CACNB2: variants seen among roughly 807,000 people sequenced by gnomAD.
CACNB2 encodes voltage-dependent L-type calcium channel subunit beta-2.
CACNB2 carries 42 observed loss-of-function variants against 73.3 expected under a neutral mutation model. The ratio of observed to expected loss-of-function variants is 0.57; its 90% CI spans 0.45 to 0.74. The LOEUF (loss-of-function observed/expected upper bound fraction) is 0.74. Ranked by LOEUF, CACNB2 falls within the 30% of genes least tolerant of loss-of-function variation. The probability of loss-of-function intolerance (pLI) is 0.00; values close to 1 mark genes in which losing one functional copy is unlikely to be tolerated. For synonymous variants in CACNB2, 348 were observed against 310.3 expected (o/e 1.12, Z -1.28); for missense variants, 940 against 853.0 (o/e 1.10, Z -1.27).
At chr10:18,473,995 A>G (rs1049380482) in intron 3 of CACNB2, among the ~76,000 whole-genome samples, 25 of 152,186 alleles carry the variant, frequency 1.6e-4, no homozygotes, top group African/African-American at 6.0e-4. Context: ...TTTTCATTTT[A>G]AAATGCGAGG....
chr10:18,430,024 C>T (rs202169185), intron 3 of CACNB2, among the ~76,000 whole-genome samples: 31 of 151,714 alleles, frequency 2.0e-4, no homozygotes, highest in African/African-American at 6.5e-4. Flanking sequence ...TGCCAGAATT[C>T]GCAGATACAT....
At chr10:18,524,570 G>A (rs572702700) in intron 9 of CACNB2, among the ~76,000 whole-genome samples, 12 of 150,400 alleles carry the variant, frequency 8.0e-5, no homozygotes, top group Non-Finnish European at 1.3e-4. Flanking sequence ...CAGGAGAAGC[G>A]CCTGAACCCA....
intron 4 of CACNB2, among the ~76,000 whole-genome samples, chr10:18,500,458 G>T (rs2050132811): frequency 6.6e-6 from 1 of 152,036 alleles, no homozygotes; most frequent in African/African-American, 2.4e-5. Flanking sequence ...TTATATAAGG[G>T]GAAGATTTCT....
At position 18,445,609 on chromosome 10, in the gene CACNB2, G is replaced by A. The variant is rs925406552; in HGVS notation, c.333+43566G>A. On this transcript the variant is annotated intron_variant, in intron 3 of 13. Transcript: ENST00000324631. The stretch of plus-strand genomic sequence containing the variant: ...GAAATAAATATGAACGAGAGAGACC[G>A]TCTGTGTCCTTCTGATGCTTCATTC... Among the ~76,000 whole-genome samples the A allele has an allele frequency of 2.2e-4, 33 of 152,086 alleles. 1 individual carries two copies. Among genetic ancestry groups the A allele is most frequent in the African/African-American group, 6.5e-4 (27 of 41,514 alleles).
At chr10:18,214,087 C>T (rs926311167) in intron 2 of CACNB2, among the ~76,000 whole-genome samples, 14 of 152,216 alleles carry the variant, frequency 9.2e-5, no homozygotes, top group Non-Finnish European at 1.8e-4. Context: ...TAAATTTACC[C>T]CTACACAACT....
chr10:18,401,667 T>C (rs981389948), intron 2 of CACNB2, among the ~76,000 whole-genome samples: 3 of 152,220 alleles, frequency 2.0e-5, no homozygotes, highest in Admixed American at 6.5e-5. Flanking sequence ...ACCAACTTGT[T>C]CTGGCTTCCA....
chr10:18,364,955 A>AT (rs2042290824), intron 2 of CACNB2, among the ~76,000 whole-genome samples: 1 of 152,134 alleles, frequency 6.6e-6, no homozygotes, highest in African/African-American at 2.4e-5. Flanking sequence ...TTAGGATAGC[A>AT]TTTTTTTCAA....
At chr10:18,294,294 G>T (rs1397482591) in intron 2 of CACNB2, among the ~76,000 whole-genome samples, 1 of 152,206 alleles carries the variant, frequency 6.6e-6, no homozygotes, top group Non-Finnish European at 1.5e-5. Context: ...CTGCTTGACA[G>T]TGTAGCTCTC....
rs957679423 is a variant in CACNB2, at chr10:18,543,062, A to C, written c.*3338A>C. 3.2e-4 allele frequency: 49 copies of C among 152,122 alleles called. No individual in the cohort carries two copies. Among genetic ancestry groups the C allele is most frequent in the African/African-American group, 1.2e-3 (48 of 41,426 alleles). The allele number at this position is 152,122 out of a possible 1,614,324, so 9.4% of individuals were successfully genotyped here. ...TGCTATGCATTCCTGTTAAACATTCACTGTCAGCTACACTGAACTGTCTAA... is the reference window on the plus strand; with the variant it reads ...TGCTATGCATTCCTGTTAAACATTCCCTGTCAGCTACACTGAACTGTCTAA... On this transcript the variant is annotated 3_prime_UTR_variant, in exon 14 of 14. Transcript: ENST00000324631.
At chr10:18,317,669 C>G (rs2040243948) in intron 2 of CACNB2, among the ~76,000 whole-genome samples, 1 of 152,142 alleles carries the variant, frequency 6.6e-6, no homozygotes, top group Admixed American at 6.6e-5. Flanking sequence ...CTCATCTTGG[C>G]TATTGTGAAC....
At chr10:18,522,875 C>G (rs1290352602) in intron 9 of CACNB2, among the ~76,000 whole-genome samples, 2 of 43,666 alleles carry the variant, frequency 4.6e-5, no homozygotes, top group African/African-American at 2.0e-4. Context: ...GAGACTCTGT[C>G]TCAAAAAAAA....
At chr10:18,455,244 G>A (rs190419430) in intron 3 of CACNB2, among the ~76,000 whole-genome samples, 3 of 152,300 alleles carry the variant, frequency 2.0e-5, no homozygotes, top group South Asian at 2.1e-4. Context: ...AGGAACATGT[G>A]GGGGCTGGTT....
At chr10:18,149,977 G>T (rs1205772551) in intron 1 of CACNB2, among the ~76,000 whole-genome samples, 2 of 152,162 alleles carry the variant, frequency 1.3e-5, no homozygotes, top group African/African-American at 4.8e-5. Context: ...GCTTGAAAAA[G>T]TTAAGAAATT....
intron 2 of CACNB2, among the ~76,000 whole-genome samples, chr10:18,197,358 T>C (rs2034672133): frequency 6.6e-6 from 1 of 152,172 alleles, no homozygotes; most frequent in Non-Finnish European, 1.5e-5. Context: ...TGTTTTTGCC[T>C]GCAAGGAACA....
chr10:18,515,589 T>A (rs1024214783), intron 7 of CACNB2, among the ~76,000 whole-genome samples: 1 of 152,160 alleles, frequency 6.6e-6, no homozygotes, highest in African/African-American at 2.4e-5. Context: ...TTGAATCAAT[T>A]ATGATTATTT....
intron 2 of CACNB2, among the ~76,000 whole-genome samples, chr10:18,376,088 A>T (rs571733539): frequency 6.6e-6 from 1 of 152,330 alleles, no homozygotes; most frequent in East Asian, 1.9e-4. Flanking sequence ...ATTTGGCAGC[A>T]TCTTAAATGT....
intron 3 of CACNB2, among the ~76,000 whole-genome samples, chr10:18,469,922 T>C (rs2048093985): frequency 6.6e-6 from 1 of 152,182 alleles, no homozygotes; most frequent in Non-Finnish European, 1.5e-5. Context: ...AGTCCTGGGA[T>C]CTTGAGGTTA....
chr10:18,172,682 C>T (rs185357533), intron 2 of CACNB2, among the ~76,000 whole-genome samples: 10 of 152,138 alleles, frequency 6.6e-5, no homozygotes, highest in East Asian at 5.8e-4. Flanking sequence ...GCCTTCACTG[C>T]GAAAAGCCTA....
rs376907313 is a variant in CACNB2, at chr10:18,365,996, T to C, written c.214-35928T>C. ...AACACTCACATTCCCTTCAAATTCA[T>C]AGAAAACCATTCTACCCATTTAAAT... On this transcript the variant is annotated intron_variant, in intron 2 of 13. Coordinates refer to ENST00000324631, the MANE Select transcript of CACNB2 (RefSeq NM_201596.3). Among the ~76,000 whole-genome samples the C allele has an allele frequency of 5.9e-5, 9 of 152,332 alleles. No individual in the cohort carries two copies. In the East Asian group the frequency reaches 9.6e-4, roughly 16 times the overall value.
Sources: allele counts gnomAD v4.1 joint callset (sites outside exome capture counted in the v4.1 genomes callset), GRCh38; gene constraint gnomAD v4.1.1; transcripts MANE v1.5; gene names NCBI Gene and HGNC (gene_info 2026-07-23, HGNC 2026-07-21).